Variants in SMURF1 observed in about 807,000 individuals in gnomAD.
SMURF1 encodes E3 ubiquitin-protein ligase SMURF1.
Under a neutral mutation model 98.0 loss-of-function variants are expected in SMURF1, and 44 were observed. The ratio of observed to expected loss-of-function variants is 0.45; its 90% CI spans 0.35 to 0.58. The LOEUF (loss-of-function observed/expected upper bound fraction) is 0.58, where lower values mean the gene tolerates loss of function less well. Among genes scored for constraint, SMURF1 ranks in the 20% least tolerant of loss-of-function variants. The probability of loss-of-function intolerance (pLI) is 0.00; values close to 1 mark genes in which losing one functional copy is unlikely to be tolerated. For synonymous variants in SMURF1, 396 were observed against 374.9 expected (o/e 1.06, Z -0.65); for missense variants, 687 against 938.4 (o/e 0.73, Z 3.50).
rs150649110 is a variant in SMURF1 at position 99,132,640 on chromosome 7, C to T, written c.55+11086G>A. 1.6e-4 allele frequency among the ~76,000 whole-genome samples: 25 copies of T among 151,874 alleles called. No individual in the cohort carries two copies. The East Asian group carries it at 4.9e-3, about 30-fold the overall frequency. ...TTATTTAGGCTGAAGGCCTGAATGA[C>T]AGGAAGAAGCCATTGAGAAGTCAAG... On this transcript the variant is annotated intron_variant, in intron 1 of 17. Transcript: ENST00000361368.
intron 1 of SMURF1, among the ~76,000 whole-genome samples, chr7:99,082,698 A>G (rs1381750693): frequency 6.6e-6 from 1 of 152,194 alleles, no homozygotes; most frequent in Non-Finnish European, 1.5e-5. Context: ...GCTATTCTAG[A>G]TCTCTTGCAT....
intron 1 of SMURF1, among the ~76,000 whole-genome samples, chr7:99,063,238 T>TATATATATATATATATATAAG (rs1491463254): frequency 2.0e-4 from 1 of 5,046 alleles, no homozygotes; most frequent in East Asian, 0.014. Flanking sequence ...ATATAAGATT[T>TATATATATATATATATATAAG]ATTTATATAT....
At chr7:99,038,270 G>C (rs945798784) in intron 14 of SMURF1, 118 bp downstream of exon 14, 2 of 1,249,092 alleles carry the variant, frequency 1.6e-6, no homozygotes, top group African/African-American at 3.0e-5. Flanking sequence ...CATGTGATCT[G>C]ATCATAAGCA....
At chr7:99,076,834 C>T (rs1284676561) in intron 1 of SMURF1, among the ~76,000 whole-genome samples, 1 of 124,358 alleles carries the variant, frequency 8.0e-6, no homozygotes, top group African/African-American at 2.5e-5. Context: ...CACGTGTGCC[C>T]ATGTGTATGT....
At position 99,143,905 on chromosome 7, in the gene SMURF1, C is replaced by T; in HGVS notation, c.-125G>A. 1 of 820,342 alleles carries T rather than the reference C, an allele frequency of 1.2e-6. No homozygotes were observed. Among genetic ancestry groups the T allele is most frequent in the Non-Finnish European group, 1.7e-6 (1 of 583,794 alleles). The allele number at this position is 820,342 out of a possible 1,614,324, so 50.8% of individuals were successfully genotyped here. ...CTGGGCGCCGGGGTCCGAGCCGGGA[C>T]ACAAACTCCGCGGCCCAGGCGTCCG... On this transcript the variant is annotated 5_prime_UTR_variant, in exon 1 of 18. Transcript: ENST00000361368.
At chr7:99,032,825 G>C in intron 17 of SMURF1, 1 of 725,988 alleles carries the variant, frequency 1.4e-6, no homozygotes, top group Non-Finnish European at 2.4e-6. Flanking sequence ...CGTAATGTCG[G>C]GGGGAAAGTC....
chr7:99,059,473 T>A (rs1367543808), intron 3 of SMURF1, among the ~76,000 whole-genome samples: 1 of 146,294 alleles, frequency 6.8e-6, no homozygotes, highest in Admixed American at 6.8e-5. Context: ...AAAATAGTGG[T>A]CTTCAAAGTA....
chr7:99,059,300 AG>A (rs961739515), intron 3 of SMURF1, among the ~76,000 whole-genome samples: 4 of 147,874 alleles, frequency 2.7e-5, no homozygotes, highest in African/African-American at 4.9e-5. Context: ...TGGGAGGCTG[AG>A]GCAGGAGAAT....
Position 99,060,648 on chromosome 7 carries a change from C to G in SMURF1, c.154G>C (p.Asp52His). The change falls in exon 3 of 18, where the codon GAC (aspartate) becomes CAC (histidine). Residue 52 changes from aspartate to histidine, a missense_variant. By Grantham distance (81) the Asp-to-His change is moderately conservative. Transcript: ENST00000361368. ...VDGSGQCHST[D>H]TVKNTLDPKW... The stretch of plus-strand genomic sequence containing the variant: ...GGGTCCAATGTGTTTTTCACAGTGT[C>G]GGTTGAGTGGCACTGCCCAGACCCA... 1 of 1,613,760 alleles carries G rather than the reference C, an allele frequency of 6.2e-7. No homozygotes were observed. The highest frequency in any genetic ancestry group is 2.2e-5 in the East Asian group (1 of 44,864).
chr7:99,063,286 TATATATATATATATATATAA>T (rs1796107382), intron 1 of SMURF1, among the ~76,000 whole-genome samples: 5 of 19,640 alleles, frequency 2.5e-4, no homozygotes, highest in African/African-American at 7.4e-4. Context: ...TATATATATA[TATATATATATATATATATAA>T]AAAGAGACAG....
chr7:99,043,154 T>A (rs1584452938), intron 11 of SMURF1, among the ~76,000 whole-genome samples: 1 of 152,020 alleles, frequency 6.6e-6, no homozygotes, highest in Non-Finnish European at 1.5e-5. Flanking sequence ...AAGCAAACAT[T>A]CCGACCGAGC....
In SMURF1 at chr7:99,057,274, TAAAC is replaced by T; in HGVS notation, c.338-8_338-5del. On this transcript the variant is annotated splice_region_variant and splice_polypyrimidine_tract_variant and intron_variant, in intron 4 of 17. Coordinates refer to ENST00000361368, the MANE Select transcript of SMURF1 (RefSeq NM_181349.3). ...TTGCATAGATCCAAACGCTGGTCTGTAAACAAACAATTCAAAACTTAACCCAAGG... is the reference window on the plus strand; with the variant it reads ...TTGCATAGATCCAAACGCTGGTCTGTAAACAATTCAAAACTTAACCCAAGG... The T allele has an allele frequency of 6.2e-7, 1 of 1,614,124 alleles. No homozygotes were observed. Among genetic ancestry groups the T allele is most frequent in the South Asian group, 1.1e-5 (1 of 91,084 alleles).
intron 1 of SMURF1, among the ~76,000 whole-genome samples, chr7:99,132,045 A>G (rs1468353747): frequency 1.3e-5 from 2 of 152,194 alleles, no homozygotes; most frequent in Non-Finnish European, 2.9e-5. Flanking sequence ...ACCAAAAGCT[A>G]CAAAGCTGGG....
rs549693345 is a variant in SMURF1 at position 99,028,446 on chromosome 7, G to C, written c.*2138C>G. 6.6e-6 allele frequency: 1 copy of C among 152,258 alleles called. No individual in the cohort carries two copies. Among genetic ancestry groups the C allele is most frequent in the Non-Finnish European group, 1.5e-5 (1 of 68,130 alleles). 9.4% of individuals were successfully genotyped at this position (152,258 alleles called of 1,614,324 possible). ...GAGACGGAGGCCAGGATGGGAACGC[G>C]TGTGTCCACCGGGGTCACCTGTGGA... On this transcript the variant is annotated 3_prime_UTR_variant, in exon 18 of 18. Coordinates refer to ENST00000361368, the MANE Select transcript of SMURF1 (RefSeq NM_181349.3).
intron 1 of SMURF1, among the ~76,000 whole-genome samples, chr7:99,110,957 A>G (rs997204437): frequency 1.5e-4 from 23 of 152,240 alleles, no homozygotes; most frequent in African/African-American, 5.5e-4. Context: ...CCTTTTGTGT[A>G]AAAAGGGAGT....
At chr7:99,143,584 G>C in intron 1 of SMURF1, 142 bp downstream of exon 1, 2 of 619,652 alleles carry the variant, frequency 3.2e-6, no homozygotes, top group Non-Finnish European at 5.1e-6. Context: ...AGGGAGAAGC[G>C]AGGGGCGCAC....
intron 1 of SMURF1, among the ~76,000 whole-genome samples, chr7:99,127,856 T>G (rs760781120): frequency 6.6e-6 from 1 of 152,186 alleles, no homozygotes; most frequent in African/African-American, 2.4e-5. Context: ...TGCTGAGAGA[T>G]CGTGGACTGG....
chr7:99,041,397 C>G lies in SMURF1; in HGVS notation c.1371+721G>C, dbSNP rs576701445. On this transcript the variant is annotated intron_variant, in intron 12 of 17. Transcript: ENST00000361368. ...AGCCTGGGGGACACAGCGAGACTCT[C>G]TCTCAAAAAAAAGAAAAGAACCATT... Among the ~76,000 whole-genome samples, 12 of 151,986 alleles carry G rather than the reference C, an allele frequency of 7.9e-5. 1 individual carries two copies. The highest frequency in any genetic ancestry group is 7.2e-4 in the Admixed American group (11 of 15,274).
intron 1 of SMURF1, among the ~76,000 whole-genome samples, chr7:99,140,280 C>CTT (rs1798086991): frequency 4.5e-5 from 5 of 110,870 alleles, no homozygotes; most frequent in African/African-American, 1.6e-4. Context: ...TCTTCAGTAT[C>CTT]CTTTTTTTTT....
Sources: allele counts gnomAD v4.1 joint callset (sites outside exome capture counted in the v4.1 genomes callset), GRCh38; gene constraint gnomAD v4.1.1; transcripts MANE v1.5; gene names NCBI Gene and HGNC (gene_info 2026-07-23, HGNC 2026-07-21).